RAB11FIP3: variants seen among roughly 807,000 people sequenced by gnomAD.
RAB11FIP3 encodes rab11 family-interacting protein 3.
Under a neutral mutation model 77.8 loss-of-function variants are expected in RAB11FIP3, and 17 were observed. That is an observed-to-expected ratio of 0.22 (90% CI 0.15 to 0.33). RAB11FIP3 has a LOEUF of 0.33. Ranked by LOEUF, RAB11FIP3 falls within the 10% of genes least tolerant of loss-of-function variation. RAB11FIP3 has a pLI of 1.00. For synonymous variants in RAB11FIP3, 437 were observed against 448.2 expected (o/e 0.98, Z 0.31); for missense variants, 1,005 against 1,011.2 (o/e 0.99, Z 0.08).
chr16:470,666 C>A (rs2055791812), intron 2 of RAB11FIP3, among the ~76,000 whole-genome samples: 2 of 152,130 alleles, frequency 1.3e-5, no homozygotes, highest in South Asian at 4.1e-4. Flanking sequence ...GGAGGAGAGG[C>A]AGGTGCTGCG....
In RAB11FIP3 at chr16:509,750, G is replaced by GC. The variant is rs374284650; in HGVS notation, c.1500-900dup. Among the ~76,000 whole-genome samples the GC allele has an allele frequency of 5.0e-3, 742 of 148,866 alleles. 3 individuals are homozygous for GC. The highest frequency in any genetic ancestry group is 0.011 in the South Asian group (53 of 4,644). On this transcript the variant is annotated intron_variant, in intron 8 of 13. Transcript: ENST00000262305. The stretch of plus-strand genomic sequence containing the variant: ...CTGGAGGGGACTGGGAGCAGAGTGG[G>GC]CCCCCCCCCCACTTGTGGCCCCTCA...
At chr16:460,683 T>C (rs947255466) in intron 1 of RAB11FIP3, among the ~76,000 whole-genome samples, 1 of 152,164 alleles carries the variant, frequency 6.6e-6, no homozygotes, top group Non-Finnish European at 1.5e-5. Flanking sequence ...ATGGGCGGTG[T>C]GTGCTTATCT....
chr16:467,441 A>T (rs978174983), intron 2 of RAB11FIP3, among the ~76,000 whole-genome samples: 1 of 151,254 alleles, frequency 6.6e-6, no homozygotes, highest in Non-Finnish European at 1.5e-5. Context: ...CTGGGACGTC[A>T]GGGAGGAGGT....
At chr16:499,795 CAAA>C (rs11319631) in intron 6 of RAB11FIP3, among the ~76,000 whole-genome samples, 70 of 53,954 alleles carry the variant, frequency 1.3e-3, no homozygotes, top group South Asian at 5.3e-3. Context: ...AAGACTGTCT[CAAA>C]AAAAAAAAAA....
At chr16:474,611 C>T (rs935885671) in intron 3 of RAB11FIP3, among the ~76,000 whole-genome samples, 1 of 152,064 alleles carries the variant, frequency 6.6e-6, no homozygotes, top group Admixed American at 6.6e-5. Context: ...ACAGAATCGT[C>T]GGGCCGCGCT....
In RAB11FIP3 at chr16:519,529, G is replaced by GAA. The variant is rs1474584242; in HGVS notation, c.1723-223_1723-222dup. ...CAAAGGTCCTTCCTGCCCCTCGTGA[G>GAA]AAACGGCCCTCGTGGCCTGCGTGTG... On this transcript the variant is annotated intron_variant, in intron 10 of 13. Coordinates refer to ENST00000262305, the MANE Select transcript of RAB11FIP3 (RefSeq NM_014700.4). Among the ~76,000 whole-genome samples, 5 of 152,380 alleles carry GAA rather than the reference G, an allele frequency of 3.3e-5. No individual in the cohort carries two copies. The East Asian group carries it at 7.7e-4, about 24-fold the overall frequency.
chr16:493,928 G>C, intron 5 of RAB11FIP3, among the ~76,000 whole-genome samples: 1 of 140,190 alleles, frequency 7.1e-6, no homozygotes, highest in African/African-American at 2.7e-5. Flanking sequence ...TTTTGAGACA[G>C]AGTCTCGATC....
intron 1 of RAB11FIP3, among the ~76,000 whole-genome samples, chr16:446,741 G>T (rs2055323280): frequency 6.6e-6 from 1 of 152,052 alleles, no homozygotes. Context: ...TGTCGCCCAG[G>T]CTGGAGTGCA....
At chr16:444,048 C>T (rs975458682) in intron 1 of RAB11FIP3, among the ~76,000 whole-genome samples, 1 of 152,072 alleles carries the variant, frequency 6.6e-6, no homozygotes. Context: ...CGTTCTTGTG[C>T]GTGTCTGTGT....
At chr16:466,355 C>T (rs2055701839) in intron 2 of RAB11FIP3, among the ~76,000 whole-genome samples, 1 of 152,156 alleles carries the variant, frequency 6.6e-6, no homozygotes, top group South Asian at 2.1e-4. Flanking sequence ...CAGGAGGGAG[C>T]CACCTGGGTC....
At chr16:447,578 G>A (rs151043067) in intron 1 of RAB11FIP3, among the ~76,000 whole-genome samples, 1 of 152,170 alleles carries the variant, frequency 6.6e-6, no homozygotes, top group African/African-American at 2.4e-5. Flanking sequence ...TCTCCTAATA[G>A]TACAAAAAAA....
chr16:468,218 GCTGGGGCGT>G (rs1596237377), intron 2 of RAB11FIP3, among the ~76,000 whole-genome samples: 5 of 45,216 alleles, frequency 1.1e-4, no homozygotes, highest in East Asian at 6.0e-4. Flanking sequence ...GGGAGGAGGT[GCTGGGGCGT>G]CAGGGAGGAG....
At chr16:434,572 ACGTGTTACCACAC>A (rs1328499634) in intron 1 of RAB11FIP3, among the ~76,000 whole-genome samples, 2 of 152,086 alleles carry the variant, frequency 1.3e-5, no homozygotes, top group Non-Finnish European at 1.5e-5. Flanking sequence ...GACTACAGGT[ACGTGTTACCACAC>A]CTGCCTAATT....
intron 3 of RAB11FIP3, chr16:475,051 T>TACAGAG: frequency 6.4e-7 from 1 of 1,551,632 alleles, no homozygotes; most frequent in Non-Finnish European, 8.7e-7. Context: ...TGAAGGTGTG[T>TACAGAG]ACAGAGCCAG....
In RAB11FIP3 at chr16:498,826, T is replaced by TTAGGGGC. The variant is rs538467717; in HGVS notation, c.1301+1985_1301+1991dup. On this transcript the variant is annotated intron_variant, in intron 6 of 13. Coordinates refer to ENST00000262305, the MANE Select transcript of RAB11FIP3 (RefSeq NM_014700.4). ...CACTTGTTTTCCATTTTCTGTCATT[T>TTAGGGGC]TAGGGGCTAGGGGCTAGGGGCTAGA... 9.4e-3 allele frequency among the ~76,000 whole-genome samples: 1,427 copies of TTAGGGGC among 151,960 alleles called. 19 individuals carry two copies. Among genetic ancestry groups the TTAGGGGC allele is most frequent in the African/African-American group, 0.031 (1,273 of 41,346 alleles).
At position 506,040 on chromosome 16, in the gene RAB11FIP3, G is replaced by A. The variant is rs994800378; in HGVS notation, c.1499+413G>A. On this transcript the variant is annotated intron_variant, in intron 8 of 13. Transcript: ENST00000262305. The surrounding 1 kb of genome is among the most constrained non-coding windows in gnomAD (Gnocchi z 4.5). ...TGGAAGAATGCAGGTTAGAGAAGTC[G>A]CTCAGCAGCAGAAAGCGAAATGAGC... is the stretch of plus-strand genomic sequence containing the variant. Among the ~76,000 whole-genome samples, 3 of 152,214 alleles carry A rather than the reference G, an allele frequency of 2.0e-5. No individual in the cohort carries two copies. The highest frequency in any genetic ancestry group is 2.1e-4 in the South Asian group (1 of 4,834).
At chr16:437,729 G>A (rs1215981475) in intron 1 of RAB11FIP3, among the ~76,000 whole-genome samples, 2 of 152,086 alleles carry the variant, frequency 1.3e-5, no homozygotes, top group East Asian at 1.9e-4. Context: ...GCGCAAGACT[G>A]TTATGTCATT....
rs376257112 is a variant in RAB11FIP3 at position 434,927 on chromosome 16, C to A, written c.714+8207C>A. Among the ~76,000 whole-genome samples the A allele has an allele frequency of 2.6e-5, 4 of 151,810 alleles. No individual in the cohort carries two copies. The East Asian group carries it at 7.8e-4, about 30-fold the overall frequency. On this transcript the variant is annotated intron_variant, in intron 1 of 13. Coordinates refer to ENST00000262305, the MANE Select transcript of RAB11FIP3 (RefSeq NM_014700.4). ...TCTACTAAAAATACAAGAATTAGACCAGGCGCGGTGGCTCACGCCTGTAAT... is the reference window on the plus strand; with the variant it reads ...TCTACTAAAAATACAAGAATTAGACAAGGCGCGGTGGCTCACGCCTGTAAT...
Position 521,140 on chromosome 16 carries a change from T to G in RAB11FIP3, c.*301T>G, listed in dbSNP as rs1596306404. 1.5e-5 allele frequency: 7 copies of G among 481,870 alleles called. No homozygotes were observed. In the East Asian group the frequency reaches 2.6e-4, roughly 18 times the overall value. The allele number at this position is 481,870 out of a possible 1,614,324, so 29.8% of individuals were successfully genotyped here. On this transcript the variant is annotated 3_prime_UTR_variant, in exon 14 of 14. Transcript: ENST00000262305. ...GGGCCCAGAGCTTCCCAGCCCTGAG[T>G]CAAGCTGGCCATGAACGCGTACACT... is the stretch of plus-strand genomic sequence containing the variant.
Sources: allele counts gnomAD v4.1 joint callset (sites outside exome capture counted in the v4.1 genomes callset), GRCh38; gene constraint gnomAD v4.1.1; non-coding constraint Gnocchi (gnomAD v3.1); transcripts MANE v1.5; gene names NCBI Gene and HGNC (gene_info 2026-07-23, HGNC 2026-07-21).